The following SHTN1 variants were observed in gnomAD, a reference collection of about 807,000 sequenced individuals.
SHTN1 encodes the protein shootin 1.
In SHTN1, 42 loss-of-function variants were observed where a neutral mutation model predicts 83.1. That is an observed-to-expected ratio of 0.51 (90% CI 0.39 to 0.65). The LOEUF is 0.65. Among genes scored for constraint, SHTN1 ranks in the 30% least tolerant of loss-of-function variants. The probability of loss-of-function intolerance (pLI) is 0.00; values close to 1 mark genes in which losing one functional copy is unlikely to be tolerated. For synonymous variants in SHTN1, 224 were observed against 247.7 expected (o/e 0.90, Z 0.90); for missense variants, 622 against 737.8 (o/e 0.84, Z 1.82).
intron 1 of SHTN1, among the ~76,000 whole-genome samples, chr10:117,121,175 T>TA (rs1312676496): frequency 6.6e-6 from 1 of 152,148 alleles, no homozygotes; most frequent in Non-Finnish European, 1.5e-5. Flanking sequence ...TATGCATCGA[T>TA]AAAAAAATTG....
At chr10:116,947,031 T>C (rs1272353575) in intron 7 of SHTN1, among the ~76,000 whole-genome samples, 1 of 152,080 alleles carries the variant, frequency 6.6e-6, no homozygotes, top group Admixed American at 6.6e-5. Flanking sequence ...ATATAAGTTA[T>C]TTTTAAGTGT....
intron 1 of SHTN1, among the ~76,000 whole-genome samples, chr10:117,113,845 A>C (rs1460115331): frequency 1.3e-5 from 2 of 152,362 alleles, no homozygotes; most frequent in East Asian, 3.9e-4. Flanking sequence ...AAGGAGTTCA[A>C]GACCAGTCTG....
rs1340906789 is a variant in SHTN1 at position 116,881,887 on chromosome 10, T to C, written c.*4457A>G. 5.0e-6 allele frequency: 2 copies of C among 397,136 alleles called. No individual in the cohort carries two copies. Among genetic ancestry groups the C allele is most frequent in the Non-Finnish European group, 8.8e-6 (2 of 227,404 alleles). The allele number at this position is 397,136 out of a possible 1,614,324, so 24.6% of individuals were successfully genotyped here. ...TGCAGCCACCACACTTCCATGTGGA[T>C]TTTGTTTGTCTATTAGCTCTCCTGT... is the stretch of plus-strand genomic sequence containing the variant. On this transcript the variant is annotated 3_prime_UTR_variant, in exon 17 of 17. Transcript: ENST00000355371.
At chr10:117,115,193 G>C (rs1735169707) in intron 1 of SHTN1, among the ~76,000 whole-genome samples, 1 of 152,182 alleles carries the variant, frequency 6.6e-6, no homozygotes, top group South Asian at 2.1e-4. Context: ...TCTCTATCCA[G>C]TATGGGCTCT....
chr10:116,893,576 G>GCACACACA (rs6144113), intron 16 of SHTN1, among the ~76,000 whole-genome samples: 23 of 123,520 alleles, frequency 1.9e-4, no homozygotes, highest in African/African-American at 3.8e-4. Flanking sequence ...GCACTCATGT[G>GCACACACA]CACACACACA....
rs192644537 is a variant in SHTN1 at position 116,904,930 on chromosome 10, G to A, written c.1480+1697C>T. ...AAAAATAGCAGTGTTGGCCGGGCGC[G>A]GTGGCTCACGCCTGTAATCCCAGCA... On this transcript the variant is annotated intron_variant, in intron 15 of 16. Transcript: ENST00000355371. Among the ~76,000 whole-genome samples, 332 of 152,054 alleles carry A rather than the reference G, an allele frequency of 2.2e-3. 5 individuals are homozygous for A. Among genetic ancestry groups the A allele is most frequent in the Non-Finnish European group, 1.4e-3 (92 of 68,018 alleles).
intron 12 of SHTN1, among the ~76,000 whole-genome samples, chr10:116,920,847 G>A (rs1001563142): frequency 6.6e-6 from 1 of 151,946 alleles, no homozygotes; most frequent in African/African-American, 2.4e-5. Flanking sequence ...ATTTAAAATG[G>A]TTTTACCCTA....
intron 1 of SHTN1, among the ~76,000 whole-genome samples, chr10:117,115,348 G>T (rs1378835741): frequency 6.6e-6 from 1 of 152,004 alleles, no homozygotes; most frequent in Admixed American, 6.6e-5. Context: ...ATATACAAGT[G>T]TCTGGCCCAT....
At chr10:117,096,712 C>T (rs1016437763) in intron 1 of SHTN1, among the ~76,000 whole-genome samples, 1 of 152,294 alleles carries the variant, frequency 6.6e-6, no homozygotes, top group South Asian at 2.1e-4. Flanking sequence ...AATGCAGCTC[C>T]GGAGCCGCCA....
At chr10:116,915,612 A>C in intron 12 of SHTN1, 128 bp from the exon 13 acceptor site, 1 of 607,432 alleles carries the variant, frequency 1.6e-6, no homozygotes, top group South Asian at 2.3e-5. Context: ...GTTGCAGAAC[A>C]CTAAAAATTT....
At chr10:116,921,116 CCAA>C (rs1848548870) in intron 12 of SHTN1, among the ~76,000 whole-genome samples, 4 of 152,168 alleles carry the variant, frequency 2.6e-5, no homozygotes, top group Non-Finnish European at 5.9e-5. Context: ...TCACTTGCTA[CCAA>C]CTCTAAGAAG....
chr10:116,993,017 C>CTTTTT (rs35364697), intron 1 of SHTN1, among the ~76,000 whole-genome samples: 8 of 121,200 alleles, frequency 6.6e-5, no homozygotes, highest in African/African-American at 1.6e-4. Context: ...TCTTTTTTTT[C>CTTTTT]TTTTTTTTTT....
intron 5 of SHTN1, among the ~76,000 whole-genome samples, chr10:116,953,625 T>G (rs915944422): frequency 1.5e-5 from 2 of 135,724 alleles, no homozygotes; most frequent in African/African-American, 5.3e-5. Flanking sequence ...TGTGTTTTGT[T>G]TTTTTTTTTT....
At chr10:116,903,529 CA>C (rs546663085) in intron 15 of SHTN1, among the ~76,000 whole-genome samples, 41 of 141,436 alleles carry the variant, frequency 2.9e-4, no homozygotes, top group East Asian at 1.9e-3. Context: ...ATCTCAGAGA[CA>C]AAAAAAAAAG....
At chr10:116,948,461 T>C (rs916359203) in intron 7 of SHTN1, among the ~76,000 whole-genome samples, 9 of 152,208 alleles carry the variant, frequency 5.9e-5, no homozygotes, top group Non-Finnish European at 7.3e-5. Context: ...AGTATGCACT[T>C]TGTATACCAA....
At chr10:116,931,739 T>C (rs890354374) in intron 9 of SHTN1, among the ~76,000 whole-genome samples, 6 of 152,230 alleles carry the variant, frequency 3.9e-5, no homozygotes, top group Non-Finnish European at 5.9e-5. Flanking sequence ...ATAGTATGCA[T>C]AGTATGATTC....
chr10:116,940,251 A>ATT (rs1054317024), intron 9 of SHTN1, among the ~76,000 whole-genome samples: 10 of 152,326 alleles, frequency 6.6e-5, no homozygotes, highest in African/African-American at 2.2e-4. Flanking sequence ...AGATTATTAT[A>ATT]AAGTCTATAA....
In SHTN1 at chr10:117,068,266, T is replaced by C. The variant is rs1487623312; in HGVS notation, c.-188-19756A>G. ...TTAGCCAGGCGCAGTGGTGGGCACC[T>C]GTAATCCCAGCTACTCAGAAGGTTG... is the stretch of plus-strand genomic sequence containing the variant. On this transcript the variant is annotated intron_variant, in intron 1 of 17. Coordinates refer to the SHTN1 transcript ENST00000392901. Among the ~76,000 whole-genome samples, 18 of 152,168 alleles carry C rather than the reference T, an allele frequency of 1.2e-4. 1 individual carries two copies. Among genetic ancestry groups the C allele is most frequent in the Non-Finnish European group, 2.6e-4 (18 of 68,038 alleles).
chr10:116,884,406 T>C lies in SHTN1; in HGVS notation c.*1938A>G, dbSNP rs557022422. 7 of 377,070 alleles carry C rather than the reference T, an allele frequency of 1.9e-5. No individual in the cohort carries two copies. The East Asian group carries it at 2.3e-4, about 12-fold the overall frequency. 23.4% of individuals were successfully genotyped at this position (377,070 alleles called of 1,614,324 possible). A position where few individuals can be genotyped will look rare whatever the true frequency, so the allele number is the denominator to read the frequency against. ...GCTTTGTAATCACAGTGAGAGAAAG[T>C]AAGCAGCTTAAAAAAGGCAGGAATA... is the stretch of plus-strand genomic sequence containing the variant. On this transcript the variant is annotated 3_prime_UTR_variant, in exon 17 of 17. Transcript: ENST00000355371.
Sources: gnomAD v4.1 joint callset for allele counts (sites outside exome capture counted in the v4.1 genomes callset) on GRCh38, gnomAD v4.1.1 for gene constraint, MANE v1.5 for transcripts, NCBI Gene and HGNC (gene_info 2026-07-23, HGNC 2026-07-21) for gene names.